The following STPG2 variants were observed in gnomAD, a reference collection of about 807,000 sequenced individuals.
STPG2 encodes the protein sperm tail PG-rich repeat containing 2.
A neutral mutation model predicts 54.2 loss-of-function variants in STPG2; 56 were observed. The observed-to-expected ratio is 1.03, with a 90% CI of 0.83 to 1.29. STPG2 has a LOEUF of 1.29. Among genes scored for constraint, STPG2 ranks in the 50% most tolerant of loss-of-function variants. STPG2 has a pLI of 0.00. For synonymous variants in STPG2, 200 were observed against 181.8 expected, an observed-to-expected ratio of 1.10 and a Z score of -0.81; for missense variants, 596 against 544.9, an observed-to-expected ratio of 1.09 and a Z score of -0.93.
chr4:97,807,661 G>GA (rs377436116), intron 9 of STPG2, among the ~76,000 whole-genome samples: 5 of 151,308 alleles, frequency 3.3e-5, no homozygotes, highest in Middle Eastern at 6.8e-3. Context: ...GTTGTAAGAG[G>GA]AAAAAAAAGG....
intron 5 of STPG2, among the ~76,000 whole-genome samples, chr4:98,044,448 T>C (rs1737064314): frequency 6.6e-6 from 1 of 152,170 alleles, no homozygotes; most frequent in Admixed American, 6.5e-5. Flanking sequence ...ATCAAGATGG[T>C]TCTTTTCTAG....
chr4:97,646,275 A>G (rs1721909874), intron 10 of STPG2, among the ~76,000 whole-genome samples: 1 of 152,164 alleles, frequency 6.6e-6, no homozygotes, highest in Non-Finnish European at 1.5e-5. Context: ...AGGATTTATT[A>G]TAAGAAAATC....
intron 9 of STPG2, among the ~76,000 whole-genome samples, chr4:97,739,780 G>C (rs1036699223): frequency 2.2e-4 from 34 of 151,924 alleles, no homozygotes; most frequent in African/African-American, 8.2e-4. Context: ...AATTCTACCA[G>C]AGGTACAGGG....
At chr4:97,707,502 C>G (rs1327769115) in intron 10 of STPG2, among the ~76,000 whole-genome samples, 1 of 151,878 alleles carries the variant, frequency 6.6e-6, no homozygotes, top group Non-Finnish European at 1.5e-5. Context: ...ACCTGGGCAA[C>G]AGAGTGAGAC....
intron 9 of STPG2, 118 bp downstream of exon 9, chr4:97,840,655 T>C (rs1657579662): frequency 8.7e-7 from 1 of 1,150,250 alleles, no homozygotes; most frequent in African/African-American, 1.6e-5. Context: ...ATGGTTTTGT[T>C]ATACATTATT....
At chr4:98,024,778 C>A (rs899304905) in intron 5 of STPG2, among the ~76,000 whole-genome samples, 1 of 152,174 alleles carries the variant, frequency 6.6e-6, no homozygotes, top group African/African-American at 2.4e-5. Context: ...CTTTCACTGG[C>A]TTTTCAGTTT....
intron 10 of STPG2, among the ~76,000 whole-genome samples, chr4:97,694,812 C>CAAAAAAAAAAAAAA (rs70953083): frequency 1.8e-4 from 8 of 44,044 alleles, no homozygotes; most frequent in Non-Finnish European, 2.6e-4. Flanking sequence ...GACTCTGTCA[C>CAAAAAAAAAAAAAA]AAAAAAAAAA....
intron 10 of STPG2, among the ~76,000 whole-genome samples, chr4:97,616,774 G>A (rs1424012765): frequency 1.3e-5 from 2 of 151,900 alleles, no homozygotes; most frequent in African/African-American, 4.8e-5. Flanking sequence ...CAATAATGGA[G>A]GTTACATTTT....
chr4:98,097,992 A>G (rs1318221523), intron 5 of STPG2, among the ~76,000 whole-genome samples: 1 of 152,198 alleles, frequency 6.6e-6, no homozygotes, highest in Non-Finnish European at 1.5e-5. Flanking sequence ...AGATAGAAAG[A>G]TATTCCTTGT....
chr4:97,949,732 G>A (rs1440601393), intron 7 of STPG2, among the ~76,000 whole-genome samples: 3 of 152,182 alleles, frequency 2.0e-5, no homozygotes, highest in Non-Finnish European at 2.9e-5. Context: ...TGGTTTGTAA[G>A]TGTTCTGCTG....
intron 6 of STPG2, 152 bp from the exon 7 acceptor site, chr4:97,972,592 A>C: frequency 2.1e-6 from 1 of 466,518 alleles, no homozygotes; most frequent in Non-Finnish European, 3.7e-6. Context: ...GCATTTTAAA[A>C]TTTGGTCAAA....
chr4:97,630,303 T>G (rs1036344760), intron 10 of STPG2, among the ~76,000 whole-genome samples: 1 of 151,940 alleles, frequency 6.6e-6, no homozygotes, highest in African/African-American at 2.4e-5. Flanking sequence ...TGTGGTTATT[T>G]TTAATATACT....
intron 9 of STPG2, among the ~76,000 whole-genome samples, chr4:97,729,315 G>C (rs1724725227): frequency 6.6e-6 from 1 of 152,022 alleles, no homozygotes; most frequent in Non-Finnish European, 1.5e-5. Flanking sequence ...TTGGTTGGTG[G>C]AAAAGTAATC....
chr4:98,117,633 T>C (rs1299090094), intron 3 of STPG2, among the ~76,000 whole-genome samples: 6 of 152,080 alleles, frequency 3.9e-5, no homozygotes, highest in African/African-American at 1.4e-4. Context: ...TTTCTGTTCA[T>C]CAGACTGCAT....
intron 2 of STPG2, among the ~76,000 whole-genome samples, chr4:98,129,667 A>AT (rs1160202891): frequency 1.3e-5 from 2 of 152,156 alleles, no homozygotes; most frequent in Admixed American, 1.3e-4. Flanking sequence ...TGTAATATAT[A>AT]TTACAAATAT....
intron 4 of STPG2, among the ~76,000 whole-genome samples, chr4:97,512,795 A>C (rs1193579843): frequency 1.3e-5 from 2 of 152,078 alleles, no homozygotes; most frequent in African/African-American, 2.4e-5. Context: ...TCTTTTTTTC[A>C]TACTATACTC....
chr4:98,008,785 T>C (rs897919676), intron 5 of STPG2, among the ~76,000 whole-genome samples: 2 of 151,912 alleles, frequency 1.3e-5, no homozygotes, highest in African/African-American at 2.4e-5. Flanking sequence ...ATTGGTGGAG[T>C]GAATTAAAAA....
rs139728909 is a variant in STPG2 at position 98,036,892 on chromosome 4, T to C, written c.613-55574A>G. Among the ~76,000 whole-genome samples the C allele has an allele frequency of 2.0e-3, 297 of 152,218 alleles. 1 individual carries two copies. The highest frequency in any genetic ancestry group is 6.0e-3 in the African/African-American group (251 of 41,540). On this transcript the variant is annotated intron_variant, in intron 5 of 10. Transcript: ENST00000295268. The stretch of plus-strand genomic sequence containing the variant: ...AAATCAACACAACTAAAAATATAGT[T>C]TTCTTAGTCATAAAAATTGTATGCT...
chr4:98,134,894 T>C (rs1389493230), intron 1 of STPG2, among the ~76,000 whole-genome samples: 1 of 151,790 alleles, frequency 6.6e-6, no homozygotes, highest in African/African-American at 2.4e-5. Flanking sequence ...AAAGTGGGTT[T>C]ACAGCAGATA....
Sources: allele counts gnomAD v4.1 joint callset (sites outside exome capture counted in the v4.1 genomes callset), GRCh38; gene constraint gnomAD v4.1.1; transcripts MANE v1.5; gene names NCBI Gene and HGNC (gene_info 2026-07-23, HGNC 2026-07-21).